TSC2: variants seen among roughly 807,000 people sequenced by gnomAD.
TSC2 encodes tuberin.
In TSC2, 29 loss-of-function variants were observed where a neutral mutation model predicts 202.2. That is an observed-to-expected ratio of 0.14 (90% CI 0.11 to 0.20). TSC2 has a LOEUF of 0.20. TSC2 is among the 10% of genes least tolerant of loss of function. The pLI, the probability that TSC2 is intolerant of heterozygous loss-of-function variation, is 1.00. For missense variants in TSC2, 2,429 were observed against 2,420.0 expected, an observed-to-expected ratio of 1.00 and a Z score of -0.08; for synonymous variants, 1,349 against 1,044.0, an observed-to-expected ratio of 1.29 and a Z score of -5.63.
At chr16:2,056,896 C>A in intron 8 of TSC2, 127 bp downstream of exon 8, 2 of 1,507,838 alleles carry the variant, frequency 1.3e-6, no homozygotes, top group Non-Finnish European at 1.8e-6. Flanking sequence ...GAGGGACGGC[C>A]AGTGTCATTT....
intron 17 of TSC2, among the ~76,000 whole-genome samples, chr16:2,070,792 C>T (rs2088196445): frequency 6.6e-6 from 1 of 152,220 alleles, no homozygotes; most frequent in Non-Finnish European, 1.5e-5. Context: ...CGCTCTAAGC[C>T]GCACGGTGAC....
At chr16:2,080,091 G>T in intron 29 of TSC2, 74 bp from the exon 30 acceptor site, 3 of 1,590,348 alleles carry the variant, frequency 1.9e-6, no homozygotes, top group Non-Finnish European at 2.6e-6. Flanking sequence ...AGGCTCGGGG[G>T]GAGCATTCAG....
In TSC2 at chr16:2,070,356, C is replaced by G. The variant is rs1025129620; in HGVS notation, c.1717-100C>G. ...GGTCGTGTGTTTTGAAGCACGCACTCTAGAGCAGCCGCCCCGGCCCCTGCT... is the reference window on the plus strand; with the variant it reads ...GGTCGTGTGTTTTGAAGCACGCACTGTAGAGCAGCCGCCCCGGCCCCTGCT... On this transcript the variant is annotated intron_variant, in intron 16 of 41. Transcript: ENST00000219476. The G allele has an allele frequency of 1.1e-5, 17 of 1,604,608 alleles. No individual in the cohort carries two copies. In the East Asian group the frequency reaches 1.1e-4, roughly 11 times the overall value.
At chr16:2,070,049 C>G (rs755605165) in intron 16 of TSC2, among the ~76,000 whole-genome samples, 16 of 152,182 alleles carry the variant, frequency 1.1e-4, no homozygotes, top group Non-Finnish European at 2.1e-4. Context: ...TCCTGCTGGC[C>G]TCGGCCCCAG....
rs774841226 is a variant in TSC2, at chr16:2,088,633, C to T, written c.*23C>T. 5.6e-6 allele frequency: 9 copies of T among 1,595,346 alleles called. No homozygotes were observed. The highest frequency in any genetic ancestry group is 3.3e-5 in the South Asian group (3 of 90,380). On this transcript the variant is annotated 3_prime_UTR_variant, in exon 42 of 42. Transcript: ENST00000219476. ...TGAGGCCGGGGCCCTCCCTCCTGCA[C>T]TGGCCTTGGACGGTATTGCCTGTCA... is the stretch of plus-strand genomic sequence containing the variant.
At chr16:2,049,163 G>C (rs552964304) in intron 2 of TSC2, among the ~76,000 whole-genome samples, 147 of 152,138 alleles carry the variant, frequency 9.7e-4, no homozygotes, top group African/African-American at 3.5e-3. Context: ...TCTGCTCGCT[G>C]CTACCTCTGC....
chr16:2,077,716 G>A lies in TSC2; in HGVS notation c.2956G>A (p.Val986Met), dbSNP rs765489754. 25 of 1,612,724 alleles carry A rather than the reference G, an allele frequency of 1.6e-5. No individual in the cohort carries two copies. Among genetic ancestry groups the A allele is most frequent in the Non-Finnish European group, 2.1e-5 (25 of 1,180,030 alleles). Residue 986 changes from valine (V) to methionine (M), a missense_variant, in exon 26 of 42, where the codon GTG (valine) becomes ATG (methionine). Val to Met is a conservative substitution (Grantham distance 21). Coordinates refer to ENST00000219476, the MANE Select transcript of TSC2 (RefSeq NM_000548.5). Reference sequence around the variant, plus strand: ...CCGCAGCATCAGTGTGTCTGAACATGTGGTCCGCAGGTAGCGGGACTGTCG... The same window carrying A: ...CCGCAGCATCAGTGTGTCTGAACATATGGTCCGCAGGTAGCGGGACTGTCG... Reference protein sequence around the residue: ...RCRSISVSEHVVRSRIQTSLT... With the variant: ...RCRSISVSEHMVRSRIQTSLT...
rs757674443 is a variant in TSC2, at chr16:2,076,496, G to A, written c.2748G>A (p.Leu916=). 6 of 1,613,354 alleles carry A rather than the reference G, an allele frequency of 3.7e-6. No homozygotes were observed. In the East Asian group the frequency reaches 8.9e-5, roughly 24 times the overall value. Reference sequence around the variant, plus strand: ...GGGTGTGCTCACTCTGCCAGGGCCTGCGGTCCAATGTCCTCTTGTCTTTTG... The same window carrying A: ...GGGTGTGCTCACTCTGCCAGGGCCTACGGTCCAATGTCCTCTTGTCTTTTG... ...KDFVPFITKG[L]RSNVLLSFDD... The change falls in exon 25 of 42, where the codon CTG becomes CTA. Residue 916 remains leucine (L), a synonymous_variant. Coordinates refer to ENST00000219476, the MANE Select transcript of TSC2 (RefSeq NM_000548.5).
In TSC2 at chr16:2,049,120, C is replaced by T. The variant is rs983721873; in HGVS notation, c.138+367C>T. Among the ~76,000 whole-genome samples, 8 of 151,970 alleles carry T rather than the reference C, an allele frequency of 5.3e-5. No individual in the cohort carries two copies. In the East Asian group the frequency reaches 1.5e-3, roughly 29 times the overall value. On this transcript the variant is annotated intron_variant, in intron 2 of 41. Transcript: ENST00000219476. ...TTTTTTTTTGAGACTGAGTCTTGCT[C>T]TGTTGCCTAGGCTGGAGTGCAGTGG...
At position 2,060,799 on chromosome 16, in the gene TSC2, C is replaced by G. The variant is rs1195544121; in HGVS notation, c.1105C>G (p.Leu369Val). Residue 369 changes from leucine (L) to valine (V), a missense_variant, in exon 11 of 42, where the codon CTT becomes GTT. Transcript: ENST00000219476. The stretch of plus-strand genomic sequence containing the variant: ...TCTGCTGAACATCATCGAACGGCTC[C>G]TTCAGCAGCTCCAGGTGGGGTGGGG... ...DILLNIIERL[L>V]QQLQTLDSPE... is the part of the protein sequence containing the mutation. 1.2e-6 allele frequency: 2 copies of G among 1,613,544 alleles called. No individual in the cohort carries two copies. Among genetic ancestry groups the G allele is most frequent in the Non-Finnish European group, 1.7e-6 (2 of 1,179,910 alleles).
intron 3 of TSC2, among the ~76,000 whole-genome samples, chr16:2,052,599 C>T (rs564907507): frequency 4.6e-5 from 7 of 152,206 alleles, no homozygotes; most frequent in East Asian, 3.9e-4. Flanking sequence ...TGTGAGCCAC[C>T]GCACTTGGCC....
chr16:2,088,758 G>C lies in TSC2; in HGVS notation c.*148G>C, dbSNP rs1362775126. The stretch of plus-strand genomic sequence containing the variant: ...ACTTTGTCTGCTTGGTGCGGGGGTT[G>C]GGGGGGTGTCGAGGCTCTAGAAGCG... On this transcript the variant is annotated 3_prime_UTR_variant, in exon 42 of 42. Transcript: ENST00000219476. 8.7e-7 allele frequency: 1 copy of C among 1,144,602 alleles called. No individual in the cohort carries two copies. 70.9% of individuals were successfully genotyped at this position (1,144,602 alleles called of 1,614,324 possible).
chr16:2,069,965 T>C (rs549978657), intron 16 of TSC2, among the ~76,000 whole-genome samples: 1 of 152,346 alleles, frequency 6.6e-6, no homozygotes, highest in East Asian at 1.9e-4. Flanking sequence ...TAATCATTTC[T>C]TTAAAAGAAT....
chr16:2,072,626 T>TA (rs1475333552), intron 20 of TSC2: 1 of 818,894 alleles, frequency 1.2e-6, no homozygotes, highest in Non-Finnish European at 1.9e-6. Context: ...GTGCTTTTCC[T>TA]AAGTGGGGCT....
intron 26 of TSC2, 154 bp from the exon 27 acceptor site, chr16:2,078,878 C>T: frequency 1.1e-6 from 1 of 945,660 alleles, no homozygotes; most frequent in Non-Finnish European, 1.7e-6. Context: ...CCACGTGATT[C>T]TCAAGCTGAG....
rs758038522 is a variant in TSC2, at chr16:2,056,169, C to T, written c.600-27C>T. ...GGCTCGGCCATCCAGGCAGTGCTGC[C>T]GGGACTGAGCTCGGTGCTCCCTGCA... On this transcript the variant is annotated intron_variant, in intron 6 of 41. Transcript: ENST00000219476. 2.0e-5 allele frequency: 32 copies of T among 1,613,296 alleles called. No individual in the cohort carries two copies. The Admixed American group carries it at 2.2e-4, about 11-fold the overall frequency.
chr16:2,083,367 T>C (rs2090368654), intron 32 of TSC2: 1 of 491,530 alleles, frequency 2.0e-6, no homozygotes, highest in Admixed American at 2.6e-5. Context: ...CCCGCTCTTT[T>C]AGAGCTGAGG....
chr16:2,083,442 A>G (rs969794470), intron 32 of TSC2: 1 of 622,496 alleles, frequency 1.6e-6, no homozygotes, highest in Admixed American at 2.3e-5. Flanking sequence ...GCTGGTGGAC[A>G]CTAGGGTGGG....
At position 2,087,784 on chromosome 16, in the gene TSC2, C is replaced by T; in HGVS notation, c.4990-79C>T. On this transcript the variant is annotated intron_variant, in intron 38 of 41. Coordinates refer to ENST00000219476, the MANE Select transcript of TSC2 (RefSeq NM_000548.5). ...GCCCATGGAGCTGACAGGTGTCTAGCAGTGCAACCAGGCAGTAGCCGAGAT... is the reference window on the plus strand; with the variant it reads ...GCCCATGGAGCTGACAGGTGTCTAGTAGTGCAACCAGGCAGTAGCCGAGAT... 4 of 1,525,678 alleles carry T rather than the reference C, an allele frequency of 2.6e-6. No homozygotes were observed. In the Admixed American group the frequency reaches 5.5e-5, roughly 21 times the overall value. The allele number at this position is 1,525,678 out of a possible 1,614,324, so 94.5% of individuals were successfully genotyped here.
Sources: allele counts gnomAD v4.1 joint callset (sites outside exome capture counted in the v4.1 genomes callset), GRCh38; gene constraint gnomAD v4.1.1; transcripts MANE v1.5; gene names NCBI Gene and HGNC (gene_info 2026-07-23, HGNC 2026-07-21).